Variants in CDH8 observed in about 807,000 individuals in gnomAD.
CDH8 encodes cadherin-8.
In CDH8, 17 loss-of-function variants were observed where a neutral mutation model predicts 68.1. The ratio of observed to expected loss-of-function variants is 0.25; its 90% confidence interval spans 0.17 to 0.37. CDH8 has a LOEUF of 0.37. Ranked by LOEUF, CDH8 falls within the 10% of genes least tolerant of loss-of-function variation. The pLI, the probability that CDH8 is intolerant of heterozygous loss-of-function variation, is 1.00. For synonymous variants in CDH8, 372 were observed against 365.1 expected, an observed-to-expected ratio of 1.02 and a Z score of -0.21; for missense variants, 763 against 999.3, an observed-to-expected ratio of 0.76 and a Z score of 3.19.
intron 10 of CDH8, among the ~76,000 whole-genome samples, chr16:61,671,930 T>C (rs1205160775): frequency 6.6e-6 from 1 of 152,062 alleles, no homozygotes; most frequent in Non-Finnish European, 1.5e-5. Flanking sequence ...AGAAATCACA[T>C]CAAACTCATT....
At chr16:61,929,495 A>G (rs1964507657) in intron 2 of CDH8, among the ~76,000 whole-genome samples, 1 of 152,214 alleles carries the variant, frequency 6.6e-6, no homozygotes. Flanking sequence ...GAGACCTATT[A>G]TACTGACTGA....
At chr16:61,828,535 ATTTT>A (rs963630727) in intron 4 of CDH8, among the ~76,000 whole-genome samples, 3 of 151,674 alleles carry the variant, frequency 2.0e-5, no homozygotes, top group Non-Finnish European at 2.9e-5. Context: ...ATTTTTCTTA[ATTTT>A]TTTAACATTC....
At chr16:61,878,928 C>T (rs990428946) in intron 3 of CDH8, among the ~76,000 whole-genome samples, 2 of 152,138 alleles carry the variant, frequency 1.3e-5, no homozygotes, top group African/African-American at 4.8e-5. Flanking sequence ...ATTTAACGCA[C>T]CATGTTAAGC....
At chr16:61,816,696 T>C (rs1962082601) in intron 7 of CDH8, among the ~76,000 whole-genome samples, 1 of 152,054 alleles carries the variant, frequency 6.6e-6, no homozygotes, top group African/African-American at 2.4e-5. Context: ...AGGAGAAAGC[T>C]ATTTAGCTGG....
intron 1 of CDH8, among the ~76,000 whole-genome samples, chr16:62,032,392 T>C (rs1902348592): frequency 6.6e-6 from 1 of 152,064 alleles, no homozygotes; most frequent in Non-Finnish European, 1.5e-5. Flanking sequence ...AGAATTATCA[T>C]TGGTTTATCT....
intron 4 of CDH8, among the ~76,000 whole-genome samples, chr16:61,832,688 A>T (rs1597004575): frequency 6.6e-6 from 1 of 151,804 alleles, no homozygotes; most frequent in East Asian, 1.9e-4. Context: ...AAGAAAATCA[A>T]TTTAAATAAT....
intron 10 of CDH8, among the ~76,000 whole-genome samples, chr16:61,682,045 C>G (rs1483035010): frequency 6.6e-6 from 1 of 151,864 alleles, no homozygotes; most frequent in East Asian, 1.9e-4. Flanking sequence ...AATAGACATT[C>G]CCACAACTCA....
chr16:61,724,379 A>G (rs62050478), intron 9 of CDH8, among the ~76,000 whole-genome samples: 21,078 of 150,688 alleles, frequency 0.14, 1,567 homozygotes, highest in African/African-American at 0.2. Context: ...AAAAATATAA[A>G]GCACAATAGA....
At chr16:61,970,274 G>A (rs1179033961) in intron 2 of CDH8, among the ~76,000 whole-genome samples, 2 of 152,136 alleles carry the variant, frequency 1.3e-5, no homozygotes, top group East Asian at 3.9e-4. Flanking sequence ...TTAGTTTAGA[G>A]ACACATATTT....
intron 10 of CDH8, among the ~76,000 whole-genome samples, chr16:61,700,413 T>C (rs1964401658): frequency 6.6e-6 from 1 of 151,926 alleles, no homozygotes. Flanking sequence ...CCCAAGTAGC[T>C]GGGACTACAG....
chr16:61,701,862 A>G (rs932916517), intron 10 of CDH8, among the ~76,000 whole-genome samples: 1 of 152,196 alleles, frequency 6.6e-6, no homozygotes. Flanking sequence ...TTTATTCTAG[A>G]TATTTCAATG....
At chr16:61,711,155 G>A (rs1964623618) in intron 10 of CDH8, among the ~76,000 whole-genome samples, 1 of 151,872 alleles carries the variant, frequency 6.6e-6, no homozygotes, top group Admixed American at 6.6e-5. Flanking sequence ...TAATTCAACT[G>A]TGTAGGAGAC....
At chr16:61,935,350 C>T (rs947396990) in intron 2 of CDH8, among the ~76,000 whole-genome samples, 2 of 152,082 alleles carry the variant, frequency 1.3e-5, no homozygotes, top group African/African-American at 2.4e-5. Context: ...CATTAAATTT[C>T]CATTAAGCTC....
intron 8 of CDH8, among the ~76,000 whole-genome samples, chr16:61,727,531 A>C (rs1959411544): frequency 6.6e-6 from 1 of 151,050 alleles, no homozygotes; most frequent in Admixed American, 6.6e-5. Flanking sequence ...TAAAAGAAAA[A>C]TGTTGTATAC....
chr16:61,766,209 C>T lies in CDH8; in HGVS notation c.1414+23137G>A, dbSNP rs538909227. Among the ~76,000 whole-genome samples, 203 of 151,498 alleles carry T rather than the reference C, an allele frequency of 1.3e-3. 1 individual carries two copies. Among genetic ancestry groups the T allele is most frequent in the African/African-American group, 4.8e-3 (200 of 41,352 alleles). Reference sequence around the variant, plus strand: ...TCTAAATACCTTTGCATGCCCATAGCTTAGCTGCCACTTATAAGTGAGAAC... The same window carrying T: ...TCTAAATACCTTTGCATGCCCATAGTTTAGCTGCCACTTATAAGTGAGAAC... On this transcript the variant is annotated intron_variant, in intron 8 of 11. Coordinates refer to ENST00000577390, the MANE Select transcript of CDH8 (RefSeq NM_001796.5).
At chr16:61,915,289 A>C (rs751077288) in intron 2 of CDH8, among the ~76,000 whole-genome samples, 1 of 152,226 alleles carries the variant, frequency 6.6e-6, no homozygotes, top group Non-Finnish European at 1.5e-5. Flanking sequence ...CATTTCTTCA[A>C]GAATACTAAT....
chr16:61,704,708 G>C (rs1174253023), intron 10 of CDH8, among the ~76,000 whole-genome samples: 2 of 152,138 alleles, frequency 1.3e-5, no homozygotes, highest in African/African-American at 4.8e-5. Context: ...TCACTTCTCT[G>C]TTAATTGGTG....
intron 8 of CDH8, among the ~76,000 whole-genome samples, chr16:61,784,757 C>G (rs1318698715): frequency 8.6e-5 from 13 of 150,758 alleles, no homozygotes; most frequent in Admixed American, 1.3e-4. Flanking sequence ...ACAGTGCAAT[C>G]AAACTAGAAC....
At chr16:61,730,690 C>T (rs2142900987) in intron 8 of CDH8, among the ~76,000 whole-genome samples, 1 of 151,526 alleles carries the variant, frequency 6.6e-6, no homozygotes, top group South Asian at 2.1e-4. Flanking sequence ...TAGATGTTTC[C>T]TCTTAATATT....
Sources: gnomAD v4.1 joint callset for allele counts (sites outside exome capture counted in the v4.1 genomes callset) on GRCh38, gnomAD v4.1.1 for gene constraint, MANE v1.5 for transcripts, NCBI Gene and HGNC (gene_info 2026-07-23, HGNC 2026-07-21) for gene names.